FBXL19: variants seen among roughly 807,000 people sequenced by gnomAD.
FBXL19 encodes F-box/LRR-repeat protein 19.
A neutral mutation model predicts 71.2 loss-of-function variants in FBXL19; 16 were observed. The observed-to-expected ratio is 0.22, with a 90% CI of 0.15 to 0.34. The LOEUF (loss-of-function observed/expected upper bound fraction) is 0.34, where lower values mean the gene tolerates loss of function less well. FBXL19 is among the 10% of genes least tolerant of loss of function. The pLI is 1.00. For missense variants in FBXL19, 658 were observed against 968.2 expected (o/e 0.68, Z 4.25); for synonymous variants, 447 against 409.4 (o/e 1.09, Z -1.11).
intron 5 of FBXL19, 24 bp from the exon 6 acceptor site, chr16:30,928,443 C>T (rs766083752): frequency 7.8e-6 from 12 of 1,539,168 alleles, no homozygotes; most frequent in Admixed American, 2.0e-5. Context: ...TCCCTTCCTC[C>T]ATATCTCCCT....
chr16:30,930,457 G>C lies in FBXL19; in HGVS notation c.1174G>C (p.Asp392His). ...GCCCCCGCCTCGAAGCCCTGAGCCCGACACACTCCCCTTGGCTGCTGGATC... is the reference window on the plus strand; with the variant it reads ...GCCCCCGCCTCGAAGCCCTGAGCCCCACACACTCCCCTTGGCTGCTGGATC... ...VRPPPRSPEP[D>H]TLPLAAGSDH... Residue 392 changes from aspartate (D) to histidine (H), a missense_variant, in exon 7 of 11, where the codon GAC (aspartate) becomes CAC (histidine). Physicochemically the swap from Asp to His is moderately conservative, Grantham distance 81 (BLOSUM62 -1). This residue lies in a region of FBXL19 where 447 missense variants were observed against 515.4 expected (regional missense o/e 0.87). Transcript: ENST00000338343. The surrounding 1 kb of genome is among the most constrained non-coding windows in gnomAD (Gnocchi z 8.5). The C allele has an allele frequency of 1.3e-6, 2 of 1,535,200 alleles. No homozygotes were observed. The highest frequency in any genetic ancestry group is 3.9e-5 in the Admixed American group (2 of 50,782).
rs773876689 is a variant in FBXL19, at chr16:30,927,675, G to C, written c.408+16G>C. The C allele has an allele frequency of 6.4e-7, 1 of 1,562,626 alleles. No homozygotes were observed. Among genetic ancestry groups the C allele is most frequent in the Non-Finnish European group, 8.7e-7 (1 of 1,153,764 alleles). On this transcript the variant is annotated intron_variant, in intron 4 of 10. Transcript: ENST00000338343. Reference sequence around the variant, plus strand: ...CACCAGCAAGGTAGGGGCTGGGCTGGGCTGAGCTGTGGGTAGGTGGGTGTT... The same window carrying C: ...CACCAGCAAGGTAGGGGCTGGGCTGCGCTGAGCTGTGGGTAGGTGGGTGTT...
At chr16:30,928,335 C>G (rs745988936) in intron 5 of FBXL19, 132 bp from the exon 6 acceptor site, 101 of 1,005,858 alleles carry the variant, frequency 1.0e-4, no homozygotes, top group Non-Finnish European at 1.4e-4. Flanking sequence ...GGTGAGCATG[C>G]TCAGAGTTAT....
intron 7 of FBXL19, among the ~76,000 whole-genome samples, chr16:30,935,214 C>A (rs1458609804): frequency 6.6e-6 from 1 of 152,132 alleles, no homozygotes; most frequent in East Asian, 1.9e-4. Flanking sequence ...GGACTTGATT[C>A]GTTTGTTCCT....
At chr16:30,932,839 CTTTTTTTTTT>C (rs1188274971) in intron 7 of FBXL19, among the ~76,000 whole-genome samples, 1 of 130,480 alleles carries the variant, frequency 7.7e-6, no homozygotes, top group Non-Finnish European at 1.6e-5. Flanking sequence ...GCAATGATAA[CTTTTTTTTTT>C]TTTTTTTTTT....
chr16:30,927,510 G>C, intron 3 of FBXL19, 59 bp downstream of exon 3: 1 of 1,560,338 alleles, frequency 6.4e-7, no homozygotes, highest in East Asian at 2.4e-5. Context: ...AGCAGAGAGT[G>C]GGGGATCACC....
chr16:30,933,855 C>G (rs1219616709), intron 7 of FBXL19, among the ~76,000 whole-genome samples: 1 of 151,726 alleles, frequency 6.6e-6, no homozygotes, highest in Non-Finnish European at 1.5e-5. Context: ...TGGGTTCAAT[C>G]AGTTCTCCTG....
chr16:30,943,811 C>A (rs888302332), intron 9 of FBXL19, among the ~76,000 whole-genome samples: 61 of 152,250 alleles, frequency 4.0e-4, no homozygotes, highest in African/African-American at 1.4e-3. Flanking sequence ...CCAAAAGAAT[C>A]TTTTCTTTTG....
At chr16:30,928,926 A>G (rs2055636958) in intron 6 of FBXL19, among the ~76,000 whole-genome samples, 2 of 152,086 alleles carry the variant, frequency 1.3e-5, no homozygotes, top group Admixed American at 6.5e-5. Flanking sequence ...TCTTTGTATG[A>G]TCCTAGCAGC....
chr16:30,937,778 G>C lies in FBXL19; in HGVS notation c.1302-4338G>C, dbSNP rs192191380. On this transcript the variant is annotated intron_variant, in intron 7 of 10. Transcript: ENST00000338343. The stretch of plus-strand genomic sequence containing the variant: ...GCAGGTGTGTGGCCTGGCTGTTGTG[G>C]AGTATGATACAGAAACACAACTGGG... Among the ~76,000 whole-genome samples the C allele has an allele frequency of 2.4e-4, 36 of 152,252 alleles. No homozygotes were observed. The East Asian group carries it at 6.8e-3, about 29-fold the overall frequency.
At chr16:30,934,933 G>T (rs537589159) in intron 7 of FBXL19, among the ~76,000 whole-genome samples, 1 of 152,308 alleles carries the variant, frequency 6.6e-6, no homozygotes, top group South Asian at 2.1e-4. Flanking sequence ...GAGGGCAAAA[G>T]ATCATACATC....
intron 7 of FBXL19, among the ~76,000 whole-genome samples, chr16:30,934,513 C>T (rs1405031485): frequency 6.6e-6 from 1 of 152,052 alleles, no homozygotes. Flanking sequence ...CAAAAATTAG[C>T]TGGGCATGGT....
At chr16:30,944,924 G>A (rs2055842538) in intron 9 of FBXL19, among the ~76,000 whole-genome samples, 1 of 152,218 alleles carries the variant, frequency 6.6e-6, no homozygotes, top group Admixed American at 6.5e-5. Flanking sequence ...CAGAAGTGAT[G>A]CATTGGTGTA....
chr16:30,947,610 G>C lies in FBXL19; in HGVS notation c.*380G>C, dbSNP rs2055875318. 3.6e-5 allele frequency: 11 copies of C among 308,182 alleles called. No individual in the cohort carries two copies. Among genetic ancestry groups the C allele is most frequent in the South Asian group, 2.5e-4 (10 of 39,976 alleles). The allele number at this position is 308,182 out of a possible 1,614,324, so 19.1% of individuals were successfully genotyped here. A position where few individuals can be genotyped will look rare whatever the true frequency, so the allele number is the denominator to read the frequency against. ...GCCAGGGGCTGGGGGAGGTGGAAGG[G>C]GCGGGGGGCGGGGCAGACAGCAGAC... On this transcript the variant is annotated 3_prime_UTR_variant, in exon 11 of 11. Coordinates refer to ENST00000338343, the MANE Select transcript of FBXL19 (RefSeq NM_001382779.1).
chr16:30,942,955 G>T lies in FBXL19; in HGVS notation c.1627+419G>T, dbSNP rs999942328. Reference sequence around the variant, plus strand: ...TCCCTCTCAGCTTTGAGAGCAGCCCGCCAGCATAATACTGGGCAATTGTGG... The same window carrying T: ...TCCCTCTCAGCTTTGAGAGCAGCCCTCCAGCATAATACTGGGCAATTGTGG... On this transcript the variant is annotated intron_variant, in intron 9 of 10. Coordinates refer to ENST00000338343, the MANE Select transcript of FBXL19 (RefSeq NM_001382779.1). The surrounding 1 kb of genome is among the most constrained non-coding windows in gnomAD (Gnocchi z 5.7). Among the ~76,000 whole-genome samples, 24 of 152,190 alleles carry T rather than the reference G, an allele frequency of 1.6e-4. No individual in the cohort carries two copies. The highest frequency in any genetic ancestry group is 1.6e-3 in the Admixed American group (24 of 15,278).
upstream of FBXL19, chr16:30,923,345 C>T (rs1229894939): frequency 1.5e-5 from 6 of 400,350 alleles, no homozygotes; most frequent in Non-Finnish European, 2.5e-5. Flanking sequence ...CGCCCTCCGC[C>T]GTCCTGTTTG....
chr16:30,930,235 G>A lies in FBXL19; in HGVS notation c.952G>A (p.Gly318Ser). 1.2e-6 allele frequency: 2 copies of A among 1,613,010 alleles called. No homozygotes were observed. The highest frequency in any genetic ancestry group is 1.7e-6 in the Non-Finnish European group (2 of 1,179,876). Residue 318 changes from glycine to serine, a missense_variant, in exon 7 of 11, where the codon GGC becomes AGC. Transcript: ENST00000338343. The surrounding 1 kb of genome is among the most constrained non-coding windows in gnomAD (Gnocchi z 8.5). Reference sequence around the variant, plus strand: ...CTCAGACTCCGACTCCGACTCTTCGGGCACATCGCTGAGTGAGGACGAAGC... The same window carrying A: ...CTCAGACTCCGACTCCGACTCTTCGAGCACATCGCTGAGTGAGGACGAAGC... ...SDSDSDSDSSGTSLSEDEAPG... is the reference protein window; with the variant it reads ...SDSDSDSDSSSTSLSEDEAPG...
rs1199539052 is a variant in FBXL19 at position 30,927,560 on chromosome 16, C to T, written c.322-13C>T. 3 of 1,555,844 alleles carry T rather than the reference C, an allele frequency of 1.9e-6. No individual in the cohort carries two copies. Among genetic ancestry groups the T allele is most frequent in the Middle Eastern group, 3.3e-4 (2 of 5,998 alleles). On this transcript the variant is annotated splice_polypyrimidine_tract_variant and intron_variant, in intron 3 of 10. Transcript: ENST00000338343. Reference sequence around the variant, plus strand: ...CCTGGCCAACCCCCCACTCACTGCCCTCCTGCCTACAGATGGGGAAGGCTG... The same window carrying T: ...CCTGGCCAACCCCCCACTCACTGCCTTCCTGCCTACAGATGGGGAAGGCTG...
At chr16:30,929,355 G>A (rs1418444456) in intron 6 of FBXL19, among the ~76,000 whole-genome samples, 4 of 152,094 alleles carry the variant, frequency 2.6e-5, no homozygotes, top group Non-Finnish European at 4.4e-5. Flanking sequence ...GGTGCTGCTC[G>A]TGGGGCCAAT....
Sources: gnomAD v4.1 joint callset for allele counts (sites outside exome capture counted in the v4.1 genomes callset) on GRCh38, gnomAD v4.1.1 for gene constraint, gnomAD v4.1.1 regional missense constraint, Gnocchi (gnomAD v3.1) non-coding constraint, MANE v1.5 for transcripts, NCBI Gene and HGNC (gene_info 2026-07-23, HGNC 2026-07-21) for gene names.